Variants in SCAI observed in about 807,000 individuals in gnomAD.
SCAI encodes the protein protein SCAI.
A neutral mutation model predicts 92.2 loss-of-function variants in SCAI; 24 were observed. That is an observed-to-expected ratio of 0.26 (90% CI 0.19 to 0.37). The LOEUF is 0.37. Among genes scored for constraint, SCAI ranks in the 10% least tolerant of loss-of-function variants. The pLI, the probability that SCAI is intolerant of heterozygous loss-of-function variation, is 1.00. For synonymous variants in SCAI, 261 were observed against 258.6 expected (o/e 1.01, Z -0.09); for missense variants, 450 against 736.2 (o/e 0.61, Z 4.50).
At chr9:125,076,993 C>A (rs116555365) in intron 2 of SCAI, among the ~76,000 whole-genome samples, 1 of 152,090 alleles carries the variant, frequency 6.6e-6, no homozygotes, top group Non-Finnish European at 1.5e-5. Context: ...TGAGCCACTG[C>A]GCCCAGCAGA....
In SCAI at chr9:124,971,474, CAA is replaced by C; in HGVS notation, c.1574-6_1574-5del. 6.3e-7 allele frequency: 1 copy of C among 1,596,634 alleles called. No individual in the cohort carries two copies. The highest frequency in any genetic ancestry group is 8.6e-7 in the Non-Finnish European group (1 of 1,168,712). ...AAAAACTGGAGAAATGCCTGATCTG[CAA>C]AGAGGAGAAAAGTGACAGTAAAAAG... On this transcript the variant is annotated splice_region_variant and splice_polypyrimidine_tract_variant and intron_variant, in intron 16 of 17. Transcript: ENST00000336505.
At chr9:125,032,627 T>C (rs963267254) in intron 3 of SCAI, among the ~76,000 whole-genome samples, 1 of 150,590 alleles carries the variant, frequency 6.6e-6, no homozygotes, top group Admixed American at 6.6e-5. Context: ...TTTTTTTTTT[T>C]TTTTGAGATG....
chr9:124,968,631 G>A (rs916359987), intron 17 of SCAI: 34 of 973,158 alleles, frequency 3.5e-5, no homozygotes, highest in African/African-American at 6.4e-5. Context: ...TGATTCCTCC[G>A]CTAGTCTTTC....
intron 9 of SCAI, among the ~76,000 whole-genome samples, chr9:125,007,810 C>T (rs1478549211): frequency 6.6e-6 from 1 of 151,982 alleles, no homozygotes; most frequent in Non-Finnish European, 1.5e-5. Flanking sequence ...GGCACATGAC[C>T]AACATCCAGC....
chr9:124,945,995 T>C lies in SCAI; in HGVS notation c.*6812A>G, dbSNP rs1321082574. On this transcript the variant is annotated 3_prime_UTR_variant, in exon 18 of 18. Transcript: ENST00000336505. ...GGTTTTCTAAGCAAGTGTTACCTTA[T>C]TCACCCTCAAAGTTATTGGCTTTAC... 2.6e-5 allele frequency: 4 copies of C among 152,196 alleles called. No individual in the cohort carries two copies. The highest frequency in any genetic ancestry group is 5.9e-5 in the Non-Finnish European group (4 of 68,046). 9.4% of individuals were successfully genotyped at this position (152,196 alleles called of 1,614,324 possible).
intron 2 of SCAI, among the ~76,000 whole-genome samples, chr9:125,101,136 C>T (rs1834669563): frequency 6.6e-6 from 1 of 152,134 alleles, no homozygotes; most frequent in Non-Finnish European, 1.5e-5. Context: ...GGGAAGAGGT[C>T]AGAGACATAC....
intron 14 of SCAI, among the ~76,000 whole-genome samples, chr9:124,978,427 CGA>C (rs933079427): frequency 6.6e-6 from 1 of 152,146 alleles, no homozygotes; most frequent in African/African-American, 2.4e-5. Flanking sequence ...GATGACAGAG[CGA>C]GACTCCATCT....
chr9:125,108,933 G>T (rs1259434968), intron 2 of SCAI, among the ~76,000 whole-genome samples: 2 of 152,254 alleles, frequency 1.3e-5, no homozygotes, highest in East Asian at 1.9e-4. Context: ...GAAATGTGGG[G>T]AAAAGATAGA....
Position 125,128,067 on chromosome 9 carries a change from C to T in SCAI, c.98+14566G>A, listed in dbSNP as rs376790619. On this transcript the variant is annotated intron_variant, in intron 2 of 17. Coordinates refer to ENST00000336505, the MANE Select transcript of SCAI (RefSeq NM_001144877.3). ...GTGGCTCACAGCTATAATTCCAGAA[C>T]TTTGGGAGGCTGGGGCAGAAGGATT... 1.3e-3 allele frequency among the ~76,000 whole-genome samples: 202 copies of T among 151,560 alleles called. 5 individuals carry two copies. The South Asian group carries it at 0.041, about 30-fold the overall frequency.
intron 2 of SCAI, among the ~76,000 whole-genome samples, chr9:125,093,351 A>C (rs1279372102): frequency 6.6e-6 from 1 of 151,384 alleles, no homozygotes; most frequent in Non-Finnish European, 1.5e-5. Context: ...ACAGAACAAA[A>C]CTCCATCTCA....
chr9:125,090,352 G>C (rs576111576), intron 2 of SCAI, among the ~76,000 whole-genome samples: 2 of 151,346 alleles, frequency 1.3e-5, no homozygotes, highest in Non-Finnish European at 2.9e-5. Flanking sequence ...GGAGGAGAGA[G>C]GAGGAGGAAG....
At chr9:124,987,134 CTGCCTCGGCCTCCT>C (rs1832009839) in intron 14 of SCAI, among the ~76,000 whole-genome samples, 1 of 152,182 alleles carries the variant, frequency 6.6e-6, no homozygotes, top group South Asian at 2.1e-4. Context: ...AGAGATTCTC[CTGCCTCGGCCTCCT>C]GAATAGCTGG....
Position 125,032,195 on chromosome 9 carries a change from A to ATATATTTTTT in SCAI, c.231-2457_231-2456insAAAAAATATA, listed in dbSNP as rs1177865840. Among the ~76,000 whole-genome samples, 32 of 99,442 alleles carry ATATATTTTTT rather than the reference A, an allele frequency of 3.2e-4. No homozygotes were observed. In the East Asian group the frequency reaches 3.3e-3, roughly 10 times the overall value. The allele number at this position is 99,442 out of a possible 152,430, so 65.2% of individuals were successfully genotyped here. On this transcript the variant is annotated intron_variant, in intron 3 of 17. Coordinates refer to ENST00000336505, the MANE Select transcript of SCAI (RefSeq NM_001144877.3). ...AATATATATATATATATATATATAT[A>ATATATTTTTT]TTTTTTTTTTTTTTTGAGATGGAGT...
intron 17 of SCAI, among the ~76,000 whole-genome samples, chr9:124,967,164 T>C (rs1275642305): frequency 6.6e-6 from 1 of 152,178 alleles, no homozygotes; most frequent in Non-Finnish European, 1.5e-5. Context: ...AAGTGTACAA[T>C]AAAGGACGGC....
intron 2 of SCAI, chr9:125,142,136 A>G (rs1307379317): frequency 6.5e-6 from 1 of 152,736 alleles, no homozygotes; most frequent in Non-Finnish European, 1.5e-5. Flanking sequence ...TTGTGGGTAC[A>G]TAGTAGGTGT....
intron 2 of SCAI, among the ~76,000 whole-genome samples, chr9:125,077,388 C>G (rs1834112184): frequency 6.6e-6 from 1 of 152,204 alleles, no homozygotes; most frequent in African/African-American, 2.4e-5. Flanking sequence ...TTTTTGGCTA[C>G]TATGAATAAT....
At chr9:124,999,714 A>G (rs887337965) in intron 13 of SCAI, among the ~76,000 whole-genome samples, 177 bp downstream of exon 13, 10 of 152,192 alleles carry the variant, frequency 6.6e-5, no homozygotes, top group Admixed American at 2.0e-4. Context: ...ATTTCCTAGG[A>G]TAGACAGAGC....
intron 3 of SCAI, among the ~76,000 whole-genome samples, chr9:125,043,903 G>C (rs360195): frequency 0.024 from 3,700 of 152,250 alleles, 142 homozygotes; most frequent in African/African-American, 0.084. Flanking sequence ...AGTTGGAGGG[G>C]TGGGAGCCCA....
intron 2 of SCAI, among the ~76,000 whole-genome samples, chr9:125,072,872 C>A (rs79785011): frequency 0.023 from 3,527 of 152,136 alleles, 145 homozygotes; most frequent in African/African-American, 0.081. Context: ...TATTTCCTTC[C>A]TTTTTAAGGC....
Sources: gnomAD v4.1 joint callset for allele counts (sites outside exome capture counted in the v4.1 genomes callset) on GRCh38, gnomAD v4.1.1 for gene constraint, MANE v1.5 for transcripts, NCBI Gene and HGNC (gene_info 2026-07-23, HGNC 2026-07-21) for gene names.